Variants in SLC8A1 observed in about 807,000 individuals in gnomAD.
The protein encoded by SLC8A1 is solute carrier family 8 member A1.
A neutral mutation model predicts 68.3 loss-of-function variants in SLC8A1; 18 were observed. The observed-to-expected ratio is 0.26, with a 90% CI of 0.18 to 0.39. The LOEUF (loss-of-function observed/expected upper bound fraction) is 0.39, where lower values mean the gene tolerates loss of function less well. Ranked by LOEUF, SLC8A1 falls within the 10% of genes least tolerant of loss-of-function variation. The probability of loss-of-function intolerance (pLI) is 1.00; values close to 1 mark genes in which losing one functional copy is unlikely to be tolerated. For missense variants in SLC8A1, 985 were observed against 1,156.7 expected (o/e 0.85, Z 2.15); for synonymous variants, 475 against 415.5 (o/e 1.14, Z -1.74).
At chr2:40,274,824 C>T (rs1040499447) in intron 2 of SLC8A1, among the ~76,000 whole-genome samples, 1 of 152,210 alleles carries the variant, frequency 6.6e-6, no homozygotes, top group Admixed American at 6.5e-5. Flanking sequence ...CAAGTGGAGG[C>T]GGCTTGTCAG....
chr2:40,167,657 T>G (rs1270081140), intron 4 of SLC8A1, among the ~76,000 whole-genome samples: 1 of 152,214 alleles, frequency 6.6e-6, no homozygotes, highest in Non-Finnish European at 1.5e-5. Flanking sequence ...TATCCCTTTA[T>G]GTATTCACCT....
Position 40,469,670 on chromosome 2 carries a change from G to C in SLC8A1, c.-24-39366C>G, listed in dbSNP as rs572710095. 2.9e-3 allele frequency among the ~76,000 whole-genome samples: 443 copies of C among 152,152 alleles called. 1 individual carries two copies. Among genetic ancestry groups the C allele is most frequent in the Non-Finnish European group, 5.3e-3 (357 of 67,976 alleles). On this transcript the variant is annotated intron_variant, in intron 1 of 7. Coordinates refer to the SLC8A1 transcript ENST00000402441. ...TCAAGTTTCACACATTCTGGAATTTGCTGATTGCATTTCTGTGTTTTCTTT... is the reference window on the plus strand; with the variant it reads ...TCAAGTTTCACACATTCTGGAATTTCCTGATTGCATTTCTGTGTTTTCTTT...
intron 2 of SLC8A1, among the ~76,000 whole-genome samples, chr2:40,418,741 G>C (rs567792222): frequency 6.6e-6 from 1 of 152,116 alleles, no homozygotes; most frequent in South Asian, 2.1e-4. Context: ...CATGAAAAAC[G>C]AATCAGATTT....
chr2:40,329,080 AC>A (rs2076146005), intron 2 of SLC8A1, among the ~76,000 whole-genome samples: 1 of 151,614 alleles, frequency 6.6e-6, no homozygotes, highest in Non-Finnish European at 1.5e-5. Flanking sequence ...ACACACACAC[AC>A]ACACACACAC....
At chr2:40,379,178 T>G (rs1260819825) in intron 2 of SLC8A1, among the ~76,000 whole-genome samples, 1 of 152,134 alleles carries the variant, frequency 6.6e-6, no homozygotes, top group Non-Finnish European at 1.5e-5. Context: ...TGTTAAAACA[T>G]GAATTACTGG....
In SLC8A1 at chr2:40,245,863, A is replaced by C. The variant is rs909970274; in HGVS notation, c.1809-68008T>G. On this transcript the variant is annotated intron_variant, in intron 2 of 7. Transcript: ENST00000406785. ...TTTATATCAGACTGTTGACTGCTTT[A>C]TATACATTACTTTCATTCGAGACTC... 2.0e-5 allele frequency among the ~76,000 whole-genome samples: 3 copies of C among 152,178 alleles called. No homozygotes were observed. The East Asian group carries it at 5.8e-4, about 29-fold the overall frequency.
chr2:40,106,936 G>C (rs1392151870), exon 8 of SLC8A1: 1 of 152,168 alleles, frequency 6.6e-6, no homozygotes, highest in Non-Finnish European at 1.5e-5. Context: ...TGATAAGAGA[G>C]CTCTGAGAAA....
chr2:40,380,039 A>T (rs759749346), intron 2 of SLC8A1, among the ~76,000 whole-genome samples: 1 of 152,154 alleles, frequency 6.6e-6, no homozygotes, highest in Non-Finnish European at 1.5e-5. Flanking sequence ...CTGACATTAT[A>T]TCATAATGTC....
intron 7 of SLC8A1, among the ~76,000 whole-genome samples, chr2:40,123,707 A>T (rs932886023): frequency 3.9e-5 from 6 of 152,232 alleles, no homozygotes; most frequent in African/African-American, 1.4e-4. Flanking sequence ...TAATAATGCA[A>T]AGTCCGTGAG....
intron 2 of SLC8A1, among the ~76,000 whole-genome samples, chr2:40,253,712 A>T (rs1359262674): frequency 6.6e-6 from 1 of 151,662 alleles, no homozygotes; most frequent in African/African-American, 2.4e-5. Context: ...TTGTAATCCC[A>T]GCTACTCGGG....
At chr2:40,372,872 T>C (rs1387337374) in intron 2 of SLC8A1, among the ~76,000 whole-genome samples, 1 of 152,040 alleles carries the variant, frequency 6.6e-6, no homozygotes, top group Non-Finnish European at 1.5e-5. Context: ...TAGGGAGGGA[T>C]AGCAAATTGC....
intron 1 of SLC8A1, among the ~76,000 whole-genome samples, chr2:40,511,983 T>C (rs1706759674): frequency 6.6e-6 from 1 of 152,142 alleles, no homozygotes; most frequent in African/African-American, 2.4e-5. Flanking sequence ...CCACCTACCC[T>C]AGCCTAAAAT....
At chr2:40,222,129 G>T (rs2058414588) in intron 2 of SLC8A1, among the ~76,000 whole-genome samples, 1 of 152,100 alleles carries the variant, frequency 6.6e-6, no homozygotes, top group Middle Eastern at 3.4e-3. Context: ...ATAGTACAAG[G>T]CTACAGTAAC....
chr2:40,378,543 G>C (rs992284563), intron 2 of SLC8A1, among the ~76,000 whole-genome samples: 1 of 152,062 alleles, frequency 6.6e-6, no homozygotes, highest in African/African-American at 2.4e-5. Flanking sequence ...GGAGAGTTTT[G>C]AGCAGAGGAG....
exon 2 of SLC8A1, chr2:40,430,122 A>G (rs1174258309): frequency 6.2e-7 from 1 of 1,613,680 alleles, no homozygotes; most frequent in Non-Finnish European, 8.5e-7. Flanking sequence ...TCTTACAGTA[A>G]TATGATCCAG....
intron 2 of SLC8A1, among the ~76,000 whole-genome samples, chr2:40,317,824 C>T (rs1006818829): frequency 6.6e-6 from 1 of 151,938 alleles, no homozygotes; most frequent in Non-Finnish European, 1.5e-5. Context: ...TGTTATGTCC[C>T]CAATTTTTGA....
chr2:40,373,369 T>G (rs1678778432), intron 2 of SLC8A1, among the ~76,000 whole-genome samples: 1 of 152,098 alleles, frequency 6.6e-6, no homozygotes, highest in South Asian at 2.1e-4. Flanking sequence ...ATCATCACAG[T>G]TGTGATTAAA....
chr2:40,327,306 C>T (rs2075935995), intron 2 of SLC8A1, among the ~76,000 whole-genome samples: 2 of 152,110 alleles, frequency 1.3e-5, no homozygotes, highest in African/African-American at 4.8e-5. Flanking sequence ...AATACTGGAC[C>T]TTTGAATTGT....
At chr2:40,301,357 A>G (rs1046642826) in intron 2 of SLC8A1, among the ~76,000 whole-genome samples, 14 of 152,358 alleles carry the variant, frequency 9.2e-5, no homozygotes, top group African/African-American at 3.4e-4. Context: ...GTATTAGAAC[A>G]TAAATATGAA....
Sources: allele counts gnomAD v4.1 joint callset (sites outside exome capture counted in the v4.1 genomes callset), GRCh38; gene constraint gnomAD v4.1.1; transcripts MANE v1.5; gene names NCBI Gene and HGNC (gene_info 2026-07-23, HGNC 2026-07-21).